The following PIK3C2G variants were observed in gnomAD, a reference collection of about 807,000 sequenced individuals.
PIK3C2G encodes the protein phosphatidylinositol 3-kinase C2 domain-containing subunit gamma.
PIK3C2G carries 168 observed loss-of-function variants against 181.1 expected under a neutral mutation model. The observed-to-expected ratio is 0.93, with a 90% CI of 0.82 to 1.05. The LOEUF (loss-of-function observed/expected upper bound fraction) is 1.05, where lower values mean the gene tolerates loss of function less well. Ranked by LOEUF, PIK3C2G falls within the 50% of genes least tolerant of loss-of-function variation. PIK3C2G has a pLI of 0.00. For missense variants in PIK3C2G, 1,869 were observed against 1,732.8 expected, an observed-to-expected ratio of 1.08 and a Z score of -1.40; for synonymous variants, 573 against 592.2, an observed-to-expected ratio of 0.97 and a Z score of 0.47.
intron 30 of PIK3C2G, among the ~76,000 whole-genome samples, chr12:18,600,449 CA>C (rs1351346939): frequency 6.6e-6 from 1 of 151,708 alleles, no homozygotes; most frequent in African/African-American, 2.4e-5. Flanking sequence ...CAAACCAAAC[CA>C]AATAAACCAA....
intron 14 of PIK3C2G, among the ~76,000 whole-genome samples, chr12:18,383,351 A>G (rs1170320116): frequency 3.9e-5 from 6 of 152,324 alleles, no homozygotes; most frequent in Admixed American, 2.0e-4. Context: ...ACTCACTCTG[A>G]TGTAATGTGA....
At chr12:18,381,684 C>A (rs556688157) in intron 13 of PIK3C2G, 82 bp from the exon 14 acceptor site, 16 of 839,786 alleles carry the variant, frequency 1.9e-5, no homozygotes, top group East Asian at 4.9e-5. Context: ...TGTTTATATT[C>A]CAAAAGAAAA....
intron 11 of PIK3C2G, among the ~76,000 whole-genome samples, chr12:18,349,689 C>A (rs2137687033): frequency 6.6e-6 from 1 of 152,258 alleles, no homozygotes; most frequent in Non-Finnish European, 1.5e-5. Flanking sequence ...GTGCCTTTAT[C>A]TCACTCAAAG....
chr12:18,413,125 T>C (rs1176246402), intron 16 of PIK3C2G, among the ~76,000 whole-genome samples: 1 of 152,190 alleles, frequency 6.6e-6, no homozygotes, highest in East Asian at 1.9e-4. Flanking sequence ...TCTCTCAGTG[T>C]CTTCATTGGA....
intron 15 of PIK3C2G, among the ~76,000 whole-genome samples, chr12:18,393,185 C>T (rs1327734921): frequency 6.6e-6 from 1 of 151,932 alleles, no homozygotes; most frequent in East Asian, 1.9e-4. Flanking sequence ...TTAAATTAAC[C>T]CTGGTGATTT....
At chr12:18,431,876 G>A (rs1390812358) in intron 18 of PIK3C2G, among the ~76,000 whole-genome samples, 1 of 152,110 alleles carries the variant, frequency 6.6e-6, no homozygotes, top group Non-Finnish European at 1.5e-5. Flanking sequence ...TGTATACACA[G>A]GATAGAATCC....
chr12:18,527,975 T>G (rs113303670), intron 24 of PIK3C2G, among the ~76,000 whole-genome samples: 1 of 152,064 alleles, frequency 6.6e-6, no homozygotes, highest in Non-Finnish European at 1.5e-5. Context: ...AAAAAATTGT[T>G]TTACACTTAA....
chr12:18,606,833 A>G (rs983638358), intron 30 of PIK3C2G, among the ~76,000 whole-genome samples: 1 of 152,132 alleles, frequency 6.6e-6, no homozygotes, highest in African/African-American at 2.4e-5. Context: ...AAATATTAGT[A>G]AAACTATAAA....
At chr12:18,357,081 T>C (rs1940811276) in intron 11 of PIK3C2G, among the ~76,000 whole-genome samples, 1 of 152,016 alleles carries the variant, frequency 6.6e-6, no homozygotes, top group African/African-American at 2.4e-5. Flanking sequence ...ACAGTACATA[T>C]AAAAGATCAA....
the PIK3C2G span, among the ~76,000 whole-genome samples, chr12:18,706,746 G>T: frequency 2.6e-5 from 4 of 152,200 alleles, no homozygotes; most frequent in Non-Finnish European, 5.9e-5. Flanking sequence ...ACAGCACTCA[G>T]AACAGGGTCG....
In PIK3C2G at chr12:18,290,324, G is replaced by T. The variant is rs995262875; in HGVS notation, c.762-531G>T. On this transcript the variant is annotated intron_variant, in intron 3 of 32. Coordinates refer to ENST00000538779, the MANE Select transcript of PIK3C2G (RefSeq NM_001288772.2). ...TTCAGAATATAAGAATTACTTTTAG[G>T]CTCCAATATTTGTGTAAAATTCAAG... Among the ~76,000 whole-genome samples, 19 of 152,206 alleles carry T rather than the reference G, an allele frequency of 1.2e-4. No individual in the cohort carries two copies. The East Asian group carries it at 1.9e-3, about 15-fold the overall frequency.
chr12:18,433,260 A>G (rs1187643552), intron 18 of PIK3C2G, among the ~76,000 whole-genome samples: 1 of 152,136 alleles, frequency 6.6e-6, no homozygotes, highest in African/African-American at 2.4e-5. Flanking sequence ...CATGCCTATG[A>G]TCCCAGTACT....
At chr12:18,567,135 T>C in intron 29 of PIK3C2G, 78 bp downstream of exon 29, 1 of 722,598 alleles carries the variant, frequency 1.4e-6, no homozygotes. Context: ...TGGTGGTTTA[T>C]GTCTGTAATG....
At chr12:18,305,286 T>C (rs1950372890) in intron 5 of PIK3C2G, among the ~76,000 whole-genome samples, 1 of 152,142 alleles carries the variant, frequency 6.6e-6, no homozygotes, top group South Asian at 2.1e-4. Context: ...TAAAGTTTGT[T>C]TATTATGATT....
At chr12:18,705,204 T>G in the PIK3C2G span, 2 of 1,613,932 alleles carry the variant, frequency 1.2e-6, no homozygotes, top group Non-Finnish European at 1.7e-6. Context: ...TCATCAAGCA[T>G]ATCAGAAAGC....
chr12:18,256,489 A>T (rs1463500858), intron 1 of PIK3C2G, among the ~76,000 whole-genome samples: 1 of 152,184 alleles, frequency 6.6e-6, no homozygotes, highest in Admixed American at 6.6e-5. Context: ...CTCTCAGCCT[A>T]ACCTTCGAAA....
intron 18 of PIK3C2G, among the ~76,000 whole-genome samples, chr12:18,486,055 AT>A (rs1939996215): frequency 6.6e-6 from 1 of 152,116 alleles, no homozygotes; most frequent in African/African-American, 2.4e-5. Context: ...TTCTCTTGTC[AT>A]TTAAAGTGTC....
chr12:18,261,726 T>C (rs766110544), intron 1 of PIK3C2G, 149 bp downstream of exon 1: 1 of 152,160 alleles, frequency 6.6e-6, no homozygotes, highest in Admixed American at 6.5e-5. Flanking sequence ...GTTTGTGCCA[T>C]ATTTTGAAAC....
the PIK3C2G span, among the ~76,000 whole-genome samples, chr12:18,708,966 T>C: frequency 6.6e-6 from 1 of 152,124 alleles, no homozygotes; most frequent in African/African-American, 2.4e-5. Flanking sequence ...AGGCTGCCCT[T>C]TGATTTTGTT....
Sources: gnomAD v4.1 joint callset for allele counts (sites outside exome capture counted in the v4.1 genomes callset) on GRCh38, gnomAD v4.1.1 for gene constraint, MANE v1.5 for transcripts, NCBI Gene and HGNC (gene_info 2026-07-23, HGNC 2026-07-21) for gene names.